ZNF254: variants seen among roughly 807,000 people sequenced by gnomAD.
ZNF254 encodes CTD-2017D11.1.
In ZNF254, 10 loss-of-function variants were observed where a neutral mutation model predicts 12.4. That is an observed-to-expected ratio of 0.80 (90% CI 0.50 to 1.36). The LOEUF is 1.36. Among genes scored for constraint, ZNF254 ranks in the 40% most tolerant of loss-of-function variants. The pLI is 0.00. For synonymous variants in ZNF254, 305 were observed against 253.4 expected (o/e 1.20, Z -1.93); for missense variants, 996 against 763.9 (o/e 1.30, Z -3.58).
At chr19:24,083,846 G>T (rs112935855), upstream of ZNF254, among the ~76,000 whole-genome samples, 5 of 152,022 alleles carry the variant, frequency 3.3e-5, no homozygotes, top group Non-Finnish European at 4.4e-5. Context: ...ATGCATGTTC[G>T]CATGGTTTTG....
Position 24,126,564 on chromosome 19 carries a change from C to G in ZNF254, c.564C>G (p.Val188=), listed in dbSNP as rs1974860404. The G allele has an allele frequency of 6.2e-7, 1 of 1,604,414 alleles. No homozygotes were observed. Among genetic ancestry groups the G allele is most frequent in the South Asian group, 1.1e-5 (1 of 88,626 alleles). The stretch of plus-strand genomic sequence containing the variant: ...AATCTTTCAAATGTAAAAAACGTGT[C>G]AAATTATTTTGCATGCTTTCACATA... The part of the protein sequence containing the change: ...EKKSFKCKKR[V]KLFCMLSHKT... Residue 188 remains valine (V), a synonymous_variant, in exon 4 of 4, where the codon GTC becomes GTG. Coordinates refer to ENST00000357002, the MANE Select transcript of ZNF254 (RefSeq NM_203282.4).
chr19:24,073,044 T>C (rs1971536224), intron 2 of ZNF254, among the ~76,000 whole-genome samples: 1 of 152,164 alleles, frequency 6.6e-6, no homozygotes, highest in Non-Finnish European at 1.5e-5. Context: ...AATTCCTGGG[T>C]CTTCTCTAGA....
chr19:24,049,217 T>A (rs867751758), intron 2 of ZNF254, among the ~76,000 whole-genome samples: 1,987 of 115,724 alleles, frequency 0.017, 16 homozygotes, highest in Non-Finnish European at 0.026. Context: ...TATATATATT[T>A]TTTTTTTTTT....
chr19:24,096,059 CTTT>C (rs200037759), intron 1 of ZNF254, among the ~76,000 whole-genome samples: 4 of 121,628 alleles, frequency 3.3e-5, no homozygotes, highest in Non-Finnish European at 5.3e-5. Flanking sequence ...TTTTTTAGTT[CTTT>C]TTTTTTTTTT....
intron 2 of ZNF254, among the ~76,000 whole-genome samples, chr19:24,050,112 C>G (rs1458082754): frequency 6.6e-6 from 1 of 151,754 alleles, no homozygotes; most frequent in African/African-American, 2.4e-5. Context: ...TGTAACATAT[C>G]TGGGGCCCTT....
upstream of ZNF254, among the ~76,000 whole-genome samples, chr19:24,082,206 G>T (rs1419902552): frequency 2.6e-5 from 4 of 151,894 alleles, no homozygotes; most frequent in Non-Finnish European, 1.5e-5. Flanking sequence ...CCTTGTGGCA[G>T]AGCACATCTC....
upstream of ZNF254, among the ~76,000 whole-genome samples, chr19:24,082,662 A>AC (rs1345325107): frequency 2.8e-5 from 4 of 144,856 alleles, no homozygotes; most frequent in East Asian, 6.4e-4. Context: ...AAAAACAAAA[A>AC]AAAAAAACCC....
upstream of ZNF254, among the ~76,000 whole-genome samples, chr19:24,083,617 A>G (rs1599666096): frequency 6.6e-6 from 1 of 152,348 alleles, no homozygotes; most frequent in East Asian, 1.9e-4. Context: ...TGGCTTTGGC[A>G]AAGCGTAGAT....
intron 1 of ZNF254, among the ~76,000 whole-genome samples, chr19:24,033,784 A>G (rs1969854632): frequency 6.6e-6 from 1 of 152,084 alleles, no homozygotes; most frequent in African/African-American, 2.4e-5. Context: ...CGCAGCCGGG[A>G]TCCCCGCGTT....
intron 1 of ZNF254, among the ~76,000 whole-genome samples, chr19:24,088,198 G>T (rs1339390211): frequency 6.6e-6 from 1 of 152,048 alleles, no homozygotes. Flanking sequence ...GTGAGCCACC[G>T]TGCCCAGCCT....
chr19:24,067,158 GC>G, intron 2 of ZNF254, among the ~76,000 whole-genome samples: 1 of 152,024 alleles, frequency 6.6e-6, no homozygotes, highest in East Asian at 1.9e-4. Flanking sequence ...ATATTGCTGG[GC>G]CCTACACCTA....
chr19:24,070,338 C>T (rs1223781963), intron 2 of ZNF254, among the ~76,000 whole-genome samples: 1 of 152,224 alleles, frequency 6.6e-6, no homozygotes, highest in African/African-American at 2.4e-5. Context: ...CTGGTTTTCA[C>T]AACCAGTCAA....
At chr19:24,034,653 A>G (rs1182920032) in intron 1 of ZNF254, among the ~76,000 whole-genome samples, 1 of 151,858 alleles carries the variant, frequency 6.6e-6, no homozygotes, top group African/African-American at 2.4e-5. Context: ...CCCGACGCCC[A>G]GCTAATTTTT....
intron 1 of ZNF254, 119 bp from the exon 2 acceptor site, chr19:24,105,821 A>G: frequency 7.0e-7 from 1 of 1,437,578 alleles, no homozygotes; most frequent in Admixed American, 2.2e-5. Context: ...TTATTGGATA[A>G]TTTCAATCAC....
At chr19:24,110,920 C>T (rs1438641852) in intron 3 of ZNF254, among the ~76,000 whole-genome samples, 2 of 151,260 alleles carry the variant, frequency 1.3e-5, no homozygotes, top group African/African-American at 4.9e-5. Flanking sequence ...GCTTAAGATG[C>T]AGGGTGAATC....
intron 1 of ZNF254, chr19:24,103,667 G>C (rs1326580722): frequency 1.3e-5 from 2 of 151,876 alleles, no homozygotes; most frequent in African/African-American, 4.8e-5. Flanking sequence ...CTAGGAATCT[G>C]TTCTGTTTGA....
Position 24,126,595 on chromosome 19 carries a change from C to T in ZNF254, c.595C>T (p.Gln199Ter), listed in dbSNP as rs77170752. ...KLFCMLSHKT[Q>*]HKSIYHREKS... is the part of the protein sequence containing the mutation. The stretch of plus-strand genomic sequence containing the variant: ...ATTTTGCATGCTTTCACATAAAACC[C>T]AACACAAAAGCATTTATCATAGAGA... Residue 199 changes from glutamine (Q) to a stop codon, truncating the protein, a stop_gained, in exon 4 of 4, where the codon CAA becomes TAA. Coordinates refer to ENST00000357002, the MANE Select transcript of ZNF254 (RefSeq NM_203282.4). LOFTEE classifies it low-confidence loss of function (END_TRUNC). 1.2e-6 allele frequency: 2 copies of T among 1,601,880 alleles called. No homozygotes were observed. Among genetic ancestry groups the T allele is most frequent in the Non-Finnish European group, 1.7e-6 (2 of 1,177,016 alleles).
At chr19:24,056,777 A>G (rs1008850220) in intron 2 of ZNF254, among the ~76,000 whole-genome samples, 2 of 152,220 alleles carry the variant, frequency 1.3e-5, no homozygotes, top group Non-Finnish European at 2.9e-5. Flanking sequence ...CTCAGCTCCC[A>G]GGTGATGTGA....
intron 3 of ZNF254, among the ~76,000 whole-genome samples, chr19:24,111,725 G>T (rs1973695080): frequency 1.3e-5 from 2 of 152,000 alleles, no homozygotes; most frequent in Admixed American, 6.6e-5. Flanking sequence ...ATTTTTTCAT[G>T]TGTTTTTTGG....
Sources: allele counts gnomAD v4.1 joint callset (sites outside exome capture counted in the v4.1 genomes callset), GRCh38; gene constraint gnomAD v4.1.1; transcripts MANE v1.5; gene names NCBI Gene and HGNC (gene_info 2026-07-23, HGNC 2026-07-21).